Variants in PCDHA8 observed in about 807,000 individuals in gnomAD.
The protein encoded by PCDHA8 is protocadherin alpha-8.
PCDHA8 carries 53 observed loss-of-function variants against 61.8 expected under a neutral mutation model. The ratio of observed to expected loss-of-function variants is 0.86; its 90% CI spans 0.69 to 1.08. The LOEUF (loss-of-function observed/expected upper bound fraction) is 1.08. PCDHA8 is among the 50% of genes least tolerant of loss of function. The pLI, the probability that PCDHA8 is intolerant of heterozygous loss-of-function variation, is 0.00. For missense variants in PCDHA8, 1,293 were observed against 1,245.0 expected (o/e 1.04, Z -0.58); for synonymous variants, 618 against 556.6 (o/e 1.11, Z -1.55).
intron 1 of PCDHA8, chr5:140,882,846 C>T (rs1554175786): frequency 2.5e-6 from 4 of 1,614,188 alleles, no homozygotes; most frequent in Non-Finnish European, 3.4e-6. Context: ...TCTTCATTAT[C>T]ACTTGTACTG....
At chr5:140,889,240 T>C (rs782266675) in intron 1 of PCDHA8, among the ~76,000 whole-genome samples, 4 of 151,692 alleles carry the variant, frequency 2.6e-5, no homozygotes, top group Non-Finnish European at 4.4e-5. Context: ...TTCCAGAAAA[T>C]TTTCTGTTTC....
intron 1 of PCDHA8, among the ~76,000 whole-genome samples, chr5:140,917,329 GA>G (rs1467900886): frequency 0.012 from 1,654 of 143,658 alleles, 142 homozygotes; most frequent in African/African-American, 0.032. Context: ...TGTGGCGGGG[GA>G]GGGGGGGGAT....
chr5:141,009,955 A>G lies in PCDHA8; in HGVS notation c.*18A>G, dbSNP rs782282264. 6.3e-7 allele frequency: 1 copy of G among 1,592,418 alleles called. No individual in the cohort carries two copies. Among genetic ancestry groups the G allele is most frequent in the African/African-American group, 1.4e-5 (1 of 73,350 alleles). ...ACCAGTGAGGTCCTCAAATGGAAAC[A>G]AGCCACTTAGCCAGTTTTTGTAATA... On this transcript the variant is annotated 3_prime_UTR_variant, in exon 4 of 4. Transcript: ENST00000531613.
intron 1 of PCDHA8, among the ~76,000 whole-genome samples, chr5:140,894,375 T>G (rs1246573357): frequency 1.3e-5 from 2 of 152,054 alleles, no homozygotes; most frequent in Non-Finnish European, 2.9e-5. Context: ...ATGGCTCCAA[T>G]TATATTTGTA....
intron 3 of PCDHA8, among the ~76,000 whole-genome samples, chr5:141,006,194 A>G (rs1455369245): frequency 1.3e-5 from 2 of 149,246 alleles, no homozygotes; most frequent in African/African-American, 2.5e-5. Context: ...TGCTATATGT[A>G]TGTTATGCCT....
At chr5:140,989,865 C>T (rs1209207256) in intron 3 of PCDHA8, among the ~76,000 whole-genome samples, 1 of 152,034 alleles carries the variant, frequency 6.6e-6, no homozygotes, top group Non-Finnish European at 1.5e-5. Flanking sequence ...AGGAATCTTT[C>T]TCTGCCTCAG....
intron 1 of PCDHA8, among the ~76,000 whole-genome samples, chr5:140,917,830 G>A (rs2078377355): frequency 6.6e-6 from 1 of 151,722 alleles, no homozygotes; most frequent in Admixed American, 6.6e-5. Flanking sequence ...GTAGTGTGAT[G>A]TCCTTCTTGT....
intron 1 of PCDHA8, among the ~76,000 whole-genome samples, chr5:140,888,585 AC>A (rs1327529840): frequency 4.6e-5 from 7 of 152,358 alleles, no homozygotes; most frequent in African/African-American, 1.4e-4. Flanking sequence ...ATTTGTTAGT[AC>A]ACATTCAGAG....
At chr5:140,845,060 C>A in intron 1 of PCDHA8, among the ~76,000 whole-genome samples, 1 of 149,380 alleles carries the variant, frequency 6.7e-6, no homozygotes, top group Non-Finnish European at 1.5e-5. Flanking sequence ...TGAAGGTAAC[C>A]TCAAAGCAGC....
intron 1 of PCDHA8, among the ~76,000 whole-genome samples, chr5:140,977,448 C>G (rs1265708365): frequency 6.6e-6 from 1 of 152,212 alleles, no homozygotes; most frequent in African/African-American, 2.4e-5. Flanking sequence ...ATAATGGAAA[C>G]TCCTTTGATT....
chr5:140,985,139 G>A (rs782548607), intron 3 of PCDHA8, among the ~76,000 whole-genome samples: 6 of 152,126 alleles, frequency 3.9e-5, no homozygotes, highest in South Asian at 2.1e-4. Flanking sequence ...GGGTTTCACC[G>A]TGTTAGCCAG....
intron 1 of PCDHA8, chr5:140,967,968 G>A: frequency 3.1e-6 from 5 of 1,614,218 alleles, no homozygotes; most frequent in Non-Finnish European, 4.2e-6. Flanking sequence ...CGGAAAGTGA[G>A]CCTGGGTCTG....
intron 1 of PCDHA8, among the ~76,000 whole-genome samples, chr5:140,943,664 T>G (rs1404337303): frequency 6.6e-6 from 1 of 151,998 alleles, no homozygotes; most frequent in Non-Finnish European, 1.5e-5. Flanking sequence ...GAACAATGTA[T>G]AAAGTGTGAA....
At chr5:140,848,956 T>C in intron 1 of PCDHA8, 2 of 1,606,732 alleles carry the variant, frequency 1.2e-6, no homozygotes, top group Non-Finnish European at 1.7e-6. Flanking sequence ...CGGTTTCCAC[T>C]AGAGGGCGCG....
chr5:140,930,824 T>C (rs545304113), intron 1 of PCDHA8, among the ~76,000 whole-genome samples: 16 of 152,342 alleles, frequency 1.1e-4, no homozygotes, highest in African/African-American at 3.8e-4. Context: ...TAGTAAATGC[T>C]GACTGAATGA....
At chr5:140,912,882 T>A (rs2153523481) in intron 1 of PCDHA8, among the ~76,000 whole-genome samples, 1 of 152,362 alleles carries the variant, frequency 6.6e-6, no homozygotes, top group South Asian at 2.1e-4. Context: ...TTGGTCTTCA[T>A]TCTGTTGATA....
intron 1 of PCDHA8, among the ~76,000 whole-genome samples, chr5:140,890,014 A>G (rs1402612271): frequency 6.6e-6 from 1 of 152,148 alleles, no homozygotes; most frequent in African/African-American, 2.4e-5. Flanking sequence ...TGCCAGAAAA[A>G]TGTAGAAGGC....
At chr5:140,976,286 C>G (rs1554237455) in intron 1 of PCDHA8, among the ~76,000 whole-genome samples, 2 of 152,098 alleles carry the variant, frequency 1.3e-5, no homozygotes, top group African/African-American at 2.4e-5. Flanking sequence ...CACAGTGGCT[C>G]AAGCCTGTAA....
At chr5:140,898,410 C>T (rs1554187963) in intron 1 of PCDHA8, among the ~76,000 whole-genome samples, 4 of 152,212 alleles carry the variant, frequency 2.6e-5, no homozygotes. Flanking sequence ...CTACATACGG[C>T]TAGCCAGTTT....
Sources: allele counts gnomAD v4.1 joint callset (sites outside exome capture counted in the v4.1 genomes callset), GRCh38; gene constraint gnomAD v4.1.1; transcripts MANE v1.5; gene names NCBI Gene and HGNC (gene_info 2026-07-23, HGNC 2026-07-21).